The following SLC8A3 variants were observed in gnomAD, a reference collection of about 807,000 sequenced individuals.
SLC8A3 encodes solute carrier family 8 member A3.
SLC8A3 carries 37 observed loss-of-function variants against 65.4 expected under a neutral mutation model. That is an observed-to-expected ratio of 0.57 (90% CI 0.44 to 0.74). The LOEUF (loss-of-function observed/expected upper bound fraction) is 0.74, where lower values mean the gene tolerates loss of function less well. Among genes scored for constraint, SLC8A3 ranks in the 30% least tolerant of loss-of-function variants. The pLI is 0.00. For missense variants in SLC8A3, 1,112 were observed against 1,172.1 expected (o/e 0.95, Z 0.75); for synonymous variants, 461 against 444.5 (o/e 1.04, Z -0.47).
intron 1 of SLC8A3, among the ~76,000 whole-genome samples, chr14:70,177,245 T>C (rs1021142293): frequency 6.6e-6 from 1 of 152,194 alleles, no homozygotes; most frequent in African/African-American, 2.4e-5. Flanking sequence ...GAAGGGATAA[T>C]ATCCAGTGAG....
intron 2 of SLC8A3, among the ~76,000 whole-genome samples, chr14:70,101,896 G>A (rs926505137): frequency 2.6e-5 from 4 of 152,160 alleles, no homozygotes; most frequent in African/African-American, 9.7e-5. Flanking sequence ...CCCTGAGAAG[G>A]CAGAAGATAA....
chr14:70,144,658 TCTTCAA>T (rs1895812629), intron 2 of SLC8A3, among the ~76,000 whole-genome samples: 1 of 151,230 alleles, frequency 6.6e-6, no homozygotes, highest in Admixed American at 6.6e-5. Context: ...AGCAATTAAA[TCTTCAA>T]GATTTGGCTC....
intron 2 of SLC8A3, among the ~76,000 whole-genome samples, chr14:70,152,690 C>T (rs1315394849): frequency 6.6e-6 from 1 of 152,136 alleles, no homozygotes; most frequent in Non-Finnish European, 1.5e-5. Context: ...CCAAGAGAGC[C>T]CTCAGTTCCC....
intron 2 of SLC8A3, among the ~76,000 whole-genome samples, chr14:70,116,321 C>CTGTGTG (rs55890014): frequency 0.041 from 6,126 of 147,684 alleles, 165 homozygotes; most frequent in African/African-American, 0.063. Context: ...ATTGAGAACA[C>CTGTGTG]TGTGTGTGTG....
intron 2 of SLC8A3, among the ~76,000 whole-genome samples, chr14:70,139,363 C>T (rs1241085956): frequency 1.3e-5 from 2 of 152,232 alleles, no homozygotes; most frequent in Non-Finnish European, 2.9e-5. Context: ...CTGGTGTTCA[C>T]TCCCAGCTGG....
At chr14:70,139,606 T>C (rs1895436018) in intron 2 of SLC8A3, among the ~76,000 whole-genome samples, 1 of 152,108 alleles carries the variant, frequency 6.6e-6, no homozygotes, top group Non-Finnish European at 1.5e-5. Flanking sequence ...CCTTAGTTAC[T>C]TGTGAATCTC....
Position 70,167,538 on chromosome 14 carries a change from A to G in SLC8A3, c.885T>C (p.His295=). 4 of 1,613,954 alleles carry G rather than the reference A, an allele frequency of 2.5e-6. No homozygotes were observed. Among genetic ancestry groups the G allele is most frequent in the Non-Finnish European group, 3.4e-6 (4 of 1,180,016 alleles). ...IEMDGKMMNS[H]FLDGNLVPLE... is the part of the protein sequence containing the mutation. ...GGGGCACCAGGTTCCCATCTAGAAA[A>G]TGGGAATTCATCATTTTCCCATCCA... Residue 295 remains histidine, a synonymous_variant, in exon 2 of 7, where the codon CAT becomes CAC. Transcript: ENST00000356921.
chr14:70,177,453 G>A (rs1301105358), intron 1 of SLC8A3, among the ~76,000 whole-genome samples: 1 of 152,194 alleles, frequency 6.6e-6, no homozygotes, highest in Non-Finnish European at 1.5e-5. Context: ...CATGTGCAAA[G>A]TGCCAAGAGA....
At chr14:70,116,321 CTGTGTGTGTGTGTGTG>C (rs55890014) in intron 2 of SLC8A3, among the ~76,000 whole-genome samples, 4 of 147,668 alleles carry the variant, frequency 2.7e-5, no homozygotes, top group Admixed American at 6.7e-5. Context: ...ATTGAGAACA[CTGTGTGTGTGTGTGTG>C]TGTGTGTGTG....
chr14:70,073,214 C>G (rs1345623492), intron 2 of SLC8A3, among the ~76,000 whole-genome samples: 1 of 152,078 alleles, frequency 6.6e-6, no homozygotes. Context: ...GGGTTAGGAA[C>G]GTTGCACTAT....
At chr14:70,186,017 C>A (rs1422716509) in intron 1 of SLC8A3, among the ~76,000 whole-genome samples, 1 of 152,008 alleles carries the variant, frequency 6.6e-6, no homozygotes, top group Admixed American at 6.5e-5. Context: ...TTGGCTGTGT[C>A]CCCACCCAAA....
Position 70,064,068 on chromosome 14 carries a change from A to G in SLC8A3, c.1785-3129T>C, listed in dbSNP as rs928070099. On this transcript the variant is annotated intron_variant, in intron 2 of 6. Transcript: ENST00000356921. Reference sequence around the variant, plus strand: ...TTGCCCCAACACCACAGGGGCACGGAGGAGAGTGGCTGCCAGTGGACCCCT... The same window carrying G: ...TTGCCCCAACACCACAGGGGCACGGGGGAGAGTGGCTGCCAGTGGACCCCT... 9.0e-5 allele frequency: 53 copies of G among 591,416 alleles called. 1 individual carries two copies. Among genetic ancestry groups the G allele is most frequent in the African/African-American group, 8.9e-4 (48 of 53,686 alleles). The allele number at this position is 591,416 out of a possible 1,614,324, so 36.6% of individuals were successfully genotyped here. A position where few individuals can be genotyped will look rare whatever the true frequency, so the allele number is the denominator to read the frequency against.
intron 2 of SLC8A3, among the ~76,000 whole-genome samples, chr14:70,147,876 C>T (rs923493394): frequency 1.3e-5 from 2 of 152,132 alleles, no homozygotes; most frequent in Non-Finnish European, 2.9e-5. Context: ...CAATAGAAAA[C>T]GAATATGCAT....
chr14:70,103,305 A>G (rs1482499035), intron 2 of SLC8A3, among the ~76,000 whole-genome samples: 1 of 152,130 alleles, frequency 6.6e-6, no homozygotes, highest in Admixed American at 6.5e-5. Context: ...ATGACACCAA[A>G]TGAAAACGGG....
intron 2 of SLC8A3, among the ~76,000 whole-genome samples, chr14:70,088,140 A>T (rs969660208): frequency 2.6e-5 from 4 of 152,226 alleles, no homozygotes; most frequent in Non-Finnish European, 4.4e-5. Flanking sequence ...ATACTGAGGC[A>T]CTGAAACAAG....
chr14:70,169,080 G>T (rs1897336263), intron 1 of SLC8A3, among the ~76,000 whole-genome samples: 1 of 152,148 alleles, frequency 6.6e-6, no homozygotes, highest in Non-Finnish European at 1.5e-5. Context: ...AATCGATTTT[G>T]AAATGAGTGT....
intron 2 of SLC8A3, among the ~76,000 whole-genome samples, chr14:70,129,470 A>G (rs74792560): frequency 0.015 from 2,292 of 152,274 alleles, 51 homozygotes; most frequent in African/African-American, 0.052. Flanking sequence ...TGTCATTATT[A>G]TTATCCTTAT....
chr14:70,047,474 C>T (rs1886924867), intron 6 of SLC8A3: 1 of 152,206 alleles, frequency 6.6e-6, no homozygotes, highest in Admixed American at 6.5e-5. Context: ...GGCATCTCAT[C>T]CACAGGCCTT....
intron 1 of SLC8A3, among the ~76,000 whole-genome samples, chr14:70,177,642 G>C (rs936700639): frequency 6.6e-6 from 1 of 152,204 alleles, no homozygotes; most frequent in Non-Finnish European, 1.5e-5. Context: ...AACAAGCAGC[G>C]TCTGTTTCCA....
Sources: allele counts gnomAD v4.1 joint callset (sites outside exome capture counted in the v4.1 genomes callset), GRCh38; gene constraint gnomAD v4.1.1; transcripts MANE v1.5; gene names NCBI Gene and HGNC (gene_info 2026-07-23, HGNC 2026-07-21).